The following RABEPK variants were observed in gnomAD, a reference collection of about 807,000 sequenced individuals.
The protein encoded by RABEPK is Rab9 effector protein with kelch motifs.
RABEPK carries 27 observed loss-of-function variants against 34.1 expected under a neutral mutation model. That is an observed-to-expected ratio of 0.79 (90% CI 0.58 to 1.09). The LOEUF (loss-of-function observed/expected upper bound fraction) is 1.09, where lower values mean the gene tolerates loss of function less well. Among genes scored for constraint, RABEPK ranks in the 50% least tolerant of loss-of-function variants. RABEPK has a pLI of 0.00. For synonymous variants in RABEPK, 172 were observed against 169.2 expected, an observed-to-expected ratio of 1.02 and a Z score of -0.13; for missense variants, 449 against 462.6, an observed-to-expected ratio of 0.97 and a Z score of 0.27.
chr9:125,220,437 C>A (rs773080371), intron 4 of RABEPK, 102 bp from the exon 5 acceptor site: 67 of 1,512,394 alleles, frequency 4.4e-5, no homozygotes, highest in Non-Finnish European at 4.8e-5. Flanking sequence ...GCTGGCCCCC[C>A]TGGGGATTGG....
In RABEPK at chr9:125,213,336, C is replaced by G. The variant is rs73668907; in HGVS notation, c.212-34C>G. 4,850 of 1,598,414 alleles carry G rather than the reference C, an allele frequency of 3.0e-3. 129 individuals carry two copies. In the African/African-American group the frequency reaches 0.056, roughly 18 times the overall value. ...TGCCAACCAATATAATAATTGGCAG[C>G]CCCAATCTAGGAACTGGGTGAAATG... On this transcript the variant is annotated intron_variant, in intron 3 of 7. Coordinates refer to ENST00000373538, the MANE Select transcript of RABEPK (RefSeq NM_005833.4).
rs530154204 is a variant in RABEPK, at chr9:125,219,681, G to A, written c.365-858G>A. ...GTCTCCCAAAGTGCTGGGATTACAAGCGTGAGCCACTGCACCCCTGGCTGA... is the reference window on the plus strand; with the variant it reads ...GTCTCCCAAAGTGCTGGGATTACAAACGTGAGCCACTGCACCCCTGGCTGA... On this transcript the variant is annotated intron_variant, in intron 4 of 7. Transcript: ENST00000373538. Among the ~76,000 whole-genome samples the A allele has an allele frequency of 1.7e-3, 251 of 151,968 alleles. 1 individual carries two copies. Among genetic ancestry groups the A allele is most frequent in the African/African-American group, 5.8e-3 (240 of 41,486 alleles).
intron 5 of RABEPK, among the ~76,000 whole-genome samples, chr9:125,223,984 A>G (rs979368337): frequency 1.3e-5 from 2 of 152,092 alleles, no homozygotes; most frequent in Non-Finnish European, 2.9e-5. Flanking sequence ...CCTTGAGGTC[A>G]GGAGTTCAAA....
intron 4 of RABEPK, among the ~76,000 whole-genome samples, chr9:125,213,999 A>G (rs1445597230): frequency 6.6e-6 from 1 of 151,768 alleles, no homozygotes; most frequent in African/African-American, 2.4e-5. Context: ...GTGGGCGCCT[A>G]TAATCCCAGC....
chr9:125,215,156 A>G (rs894045170), intron 4 of RABEPK, among the ~76,000 whole-genome samples: 2 of 148,266 alleles, frequency 1.3e-5, no homozygotes, highest in African/African-American at 4.9e-5. Context: ...ATATTTACAC[A>G]TTCATAACTT....
At chr9:125,210,229 C>G (rs1015675383) in intron 3 of RABEPK, among the ~76,000 whole-genome samples, 2 of 151,342 alleles carry the variant, frequency 1.3e-5, no homozygotes, top group African/African-American at 4.9e-5. Context: ...CGGTGAAACC[C>G]TGTCTCTACT....
At chr9:125,204,130 C>G (rs568888886) in intron 2 of RABEPK, among the ~76,000 whole-genome samples, 3 of 150,414 alleles carry the variant, frequency 2.0e-5, no homozygotes, top group Admixed American at 6.7e-5. Context: ...GTCAGGAGAT[C>G]GAGACCACTC....
chr9:125,212,655 T>C (rs913763256), intron 3 of RABEPK, among the ~76,000 whole-genome samples: 1 of 138,000 alleles, frequency 7.2e-6, no homozygotes, highest in Non-Finnish European at 1.6e-5. Context: ...TCTTTCTTTC[T>C]TTTTTTTTTT....
chr9:125,210,825 T>C (rs1384912337), intron 3 of RABEPK, among the ~76,000 whole-genome samples: 1 of 150,570 alleles, frequency 6.6e-6, no homozygotes, highest in Non-Finnish European at 1.5e-5. Flanking sequence ...ATTTCCCTAT[T>C]GTTTTAATCT....
In RABEPK at chr9:125,203,018, A is replaced by G; in HGVS notation, c.5A>G (p.Lys2Arg). M[K>R]QLPVLEPGDK... Reference sequence around the variant, plus strand: ...CTTTCTTATGCATAGGACACCATGAAGCAACTGCCAGTCTTGGAACCTGGA... The same window carrying G: ...CTTTCTTATGCATAGGACACCATGAGGCAACTGCCAGTCTTGGAACCTGGA... Residue 2 changes from lysine (K) to arginine (R), a missense_variant, in exon 2 of 8, where the codon AAG becomes AGG. By Grantham distance (26) the Lys-to-Arg change is conservative. Coordinates refer to ENST00000373538, the MANE Select transcript of RABEPK (RefSeq NM_005833.4). 1 of 1,613,732 alleles carries G rather than the reference A, an allele frequency of 6.2e-7. No homozygotes were observed. Among genetic ancestry groups the G allele is most frequent in the Non-Finnish European group, 8.5e-7 (1 of 1,179,746 alleles).
At chr9:125,209,912 T>C (rs1830477178) in intron 3 of RABEPK, among the ~76,000 whole-genome samples, 1 of 152,202 alleles carries the variant, frequency 6.6e-6, no homozygotes, top group Admixed American at 6.6e-5. Context: ...TAGTCTCATG[T>C]GCTCTTCCAT....
At position 125,222,737 on chromosome 9, in the gene RABEPK, AG is replaced by A. The variant is rs1217328982; in HGVS notation, c.526+2039del. On this transcript the variant is annotated intron_variant, in intron 5 of 7. Coordinates refer to ENST00000373538, the MANE Select transcript of RABEPK (RefSeq NM_005833.4). ...TCAAAAAAAAAAAAAAAAAAAAAAA[AG>A]GACAGAGATAATTCTATATGTTACA... 4.7e-5 allele frequency among the ~76,000 whole-genome samples: 7 copies of A among 150,402 alleles called. No individual in the cohort carries two copies. In the East Asian group the frequency reaches 9.7e-4, roughly 21 times the overall value.
chr9:125,228,668 GAAA>G (rs1254213351), intron 6 of RABEPK, among the ~76,000 whole-genome samples: 1 of 92,064 alleles, frequency 1.1e-5, no homozygotes, highest in African/African-American at 4.2e-5. Context: ...CCAAAAAAAA[GAAA>G]AAAAAAAAAA....
intron 3 of RABEPK, among the ~76,000 whole-genome samples, chr9:125,211,315 A>G (rs976449464): frequency 4.0e-5 from 6 of 151,296 alleles, no homozygotes; most frequent in Non-Finnish European, 8.8e-5. Flanking sequence ...ATGCCCCGCT[A>G]ATTTTTGTAT....
At chr9:125,230,349 G>A (rs1832079813) in intron 6 of RABEPK, among the ~76,000 whole-genome samples, 1 of 152,080 alleles carries the variant, frequency 6.6e-6, no homozygotes, top group African/African-American at 2.4e-5. Context: ...TGGGCAGAAG[G>A]CATGGGAAGT....
chr9:125,230,196 TC>T (rs2131434142), intron 6 of RABEPK, among the ~76,000 whole-genome samples: 1 of 152,188 alleles, frequency 6.6e-6, no homozygotes, highest in South Asian at 2.1e-4. Context: ...ACTCCAGGAC[TC>T]AAGGGATCCA....
At chr9:125,217,462 G>A (rs746868396) in intron 4 of RABEPK, among the ~76,000 whole-genome samples, 123 of 152,014 alleles carry the variant, frequency 8.1e-4, no homozygotes, top group South Asian at 3.7e-3. Context: ...GTGCAGTGGC[G>A]CAATCTCAGC....
In RABEPK at chr9:125,233,905, G is replaced by T. The variant is rs1482296639; in HGVS notation, c.1044G>T (p.Leu348=). The T allele has an allele frequency of 6.2e-7, 1 of 1,613,376 alleles. No individual in the cohort carries two copies. The highest frequency in any genetic ancestry group is 1.3e-5 in the African/African-American group (1 of 74,906). The change falls in exon 8 of 8, where the codon CTG becomes CTT. Residue 348 remains leucine, a synonymous_variant. Transcript: ENST00000373538. ...DSHEESQTAT[L]LCLVFGGMNT... Reference sequence around the variant, plus strand: ...ATGAGGAAAGCCAGACTGCTACACTGCTCTGTTTGGTGTTTGGTGGGATGA... The same window carrying T: ...ATGAGGAAAGCCAGACTGCTACACTTCTCTGTTTGGTGTTTGGTGGGATGA...
intron 1 of RABEPK, among the ~76,000 whole-genome samples, chr9:125,202,204 G>C (rs941689035): frequency 2.0e-5 from 3 of 150,618 alleles, no homozygotes; most frequent in Non-Finnish European, 4.4e-5. Flanking sequence ...GACAGAGTGA[G>C]ACTCCATCTC....
Sources: allele counts gnomAD v4.1 joint callset (sites outside exome capture counted in the v4.1 genomes callset), GRCh38; gene constraint gnomAD v4.1.1; transcripts MANE v1.5; gene names NCBI Gene and HGNC (gene_info 2026-07-23, HGNC 2026-07-21).